SUPT3H: variants seen among roughly 807,000 people sequenced by gnomAD.
The protein encoded by SUPT3H is SPT3 homolog, SAGA and STAGA complex component, also known as transcription initiation protein SPT3 homolog.
Under a neutral mutation model 44.3 loss-of-function variants are expected in SUPT3H, and 44 were observed. That is an observed-to-expected ratio of 0.99 (90% CI 0.78 to 1.28). The LOEUF is 1.28. Among genes scored for constraint, SUPT3H ranks in the 50% most tolerant of loss-of-function variants. The pLI is 0.00. For synonymous variants in SUPT3H, 124 were observed against 125.6 expected (o/e 0.99, Z 0.09); for missense variants, 380 against 387.1 (o/e 0.98, Z 0.15).
At chr6:44,996,350 T>A (rs1214118540) in intron 6 of SUPT3H, among the ~76,000 whole-genome samples, 1 of 151,862 alleles carries the variant, frequency 6.6e-6, no homozygotes, top group Admixed American at 6.6e-5. Context: ...CCTACTAGAA[T>A]GTTCTTACTG....
At chr6:45,165,634 G>A (rs796552572) in intron 2 of SUPT3H, among the ~76,000 whole-genome samples, 1 of 152,038 alleles carries the variant, frequency 6.6e-6, no homozygotes, top group South Asian at 2.1e-4. Context: ...AAGAAGGATT[G>A]CAAATGAGAA....
intron 2 of SUPT3H, among the ~76,000 whole-genome samples, chr6:45,230,421 G>C (rs1248324267): frequency 1.3e-5 from 2 of 151,408 alleles, no homozygotes; most frequent in African/African-American, 4.9e-5. Context: ...AGTGTGGGGG[G>C]GGCTTATGTA....
At chr6:44,914,012 C>T (rs1767443330) in intron 10 of SUPT3H, among the ~76,000 whole-genome samples, 1 of 144,078 alleles carries the variant, frequency 6.9e-6, no homozygotes, top group African/African-American at 2.5e-5. Context: ...TCATCAAGTA[C>T]CATTACAAAG....
At chr6:45,370,714 T>A (rs1795920195) in intron 1 of SUPT3H, among the ~76,000 whole-genome samples, 1 of 152,132 alleles carries the variant, frequency 6.6e-6, no homozygotes, top group South Asian at 2.1e-4. Flanking sequence ...ACTACCCCCA[T>A]CCTTTCTCTC....
At chr6:45,240,884 A>G (rs564194680) in intron 2 of SUPT3H, among the ~76,000 whole-genome samples, 25 of 152,276 alleles carry the variant, frequency 1.6e-4, no homozygotes, top group Non-Finnish European at 3.2e-4. Context: ...CTAGAAGGAC[A>G]CTCTACAAAC....
At chr6:45,258,134 T>A (rs564781273) in intron 2 of SUPT3H, among the ~76,000 whole-genome samples, 8 of 152,356 alleles carry the variant, frequency 5.3e-5, no homozygotes, top group East Asian at 3.9e-4. Context: ...TTCTGACGAA[T>A]CAGACAATTC....
intron 2 of SUPT3H, among the ~76,000 whole-genome samples, chr6:45,248,757 T>C (rs1486619339): frequency 6.6e-6 from 1 of 151,774 alleles, no homozygotes; most frequent in Non-Finnish European, 1.5e-5. Flanking sequence ...TCTACTAAAA[T>C]ACAAAAGATT....
At chr6:45,137,498 A>T (rs1381847079) in intron 2 of SUPT3H, among the ~76,000 whole-genome samples, 2 of 152,014 alleles carry the variant, frequency 1.3e-5, no homozygotes, top group African/African-American at 4.8e-5. Context: ...ACATATACCA[A>T]TGTAATCTAT....
chr6:45,374,886 A>G (rs1359701226), intron 1 of SUPT3H, among the ~76,000 whole-genome samples: 2 of 152,228 alleles, frequency 1.3e-5, no homozygotes, highest in African/African-American at 4.8e-5. Flanking sequence ...ATTTAGACAC[A>G]AAAACAGTAA....
intron 6 of SUPT3H, among the ~76,000 whole-genome samples, chr6:44,965,097 A>G (rs1273251446): frequency 1.3e-5 from 2 of 152,206 alleles, no homozygotes; most frequent in East Asian, 3.8e-4. Context: ...TCCTACAATT[A>G]ACATGCTCAA....
At chr6:45,038,796 T>A (rs371578011) in intron 3 of SUPT3H, among the ~76,000 whole-genome samples, 3 of 152,300 alleles carry the variant, frequency 2.0e-5, no homozygotes, top group African/African-American at 7.2e-5. Context: ...AAAGGTGTAT[T>A]ATACCTTGGT....
At chr6:44,831,071 A>G (rs1768615189) in intron 10 of SUPT3H, among the ~76,000 whole-genome samples, 1 of 152,192 alleles carries the variant, frequency 6.6e-6, no homozygotes, top group Admixed American at 6.5e-5. Context: ...AGTTTTCTAG[A>G]TAACCTTCTC....
intron 2 of SUPT3H, among the ~76,000 whole-genome samples, chr6:45,320,012 T>A (rs1335611988): frequency 6.6e-6 from 1 of 152,126 alleles, no homozygotes; most frequent in Non-Finnish European, 1.5e-5. Flanking sequence ...GATTCCAACC[T>A]CATCCTAAAA....
At chr6:44,865,955 A>G (rs1031754961) in intron 10 of SUPT3H, among the ~76,000 whole-genome samples, 1 of 152,218 alleles carries the variant, frequency 6.6e-6, no homozygotes, top group Non-Finnish European at 1.5e-5. Flanking sequence ...GCCAAGTGGG[A>G]GAACTTGCAG....
At chr6:44,940,209 C>A (rs1278641795) in intron 9 of SUPT3H, among the ~76,000 whole-genome samples, 1 of 151,980 alleles carries the variant, frequency 6.6e-6, no homozygotes, top group Non-Finnish European at 1.5e-5. Flanking sequence ...TTTTGCAATG[C>A]TTTTGCTGTA....
chr6:44,880,228 T>C (rs1281181078), intron 10 of SUPT3H, among the ~76,000 whole-genome samples: 5 of 151,984 alleles, frequency 3.3e-5, no homozygotes, highest in Non-Finnish European at 5.9e-5. Flanking sequence ...TAGAGAAGAA[T>C]ATAAATGACC....
At chr6:44,995,013 G>A (rs530809212) in intron 6 of SUPT3H, among the ~76,000 whole-genome samples, 1 of 151,684 alleles carries the variant, frequency 6.6e-6, no homozygotes, top group African/African-American at 2.4e-5. Flanking sequence ...TTACTGCTCT[G>A]AAGATGGTCT....
chr6:45,337,779 T>G (rs751379591), intron 2 of SUPT3H, among the ~76,000 whole-genome samples: 1 of 151,990 alleles, frequency 6.6e-6, no homozygotes, highest in African/African-American at 2.4e-5. Flanking sequence ...TTATGTTTAT[T>G]TTTGTTTATT....
chr6:44,835,816 G>A (rs1769763466), intron 10 of SUPT3H, among the ~76,000 whole-genome samples: 1 of 151,876 alleles, frequency 6.6e-6, no homozygotes, highest in African/African-American at 2.4e-5. Flanking sequence ...CTCTCTTCTG[G>A]TAGAAGAGAG....
Sources: allele counts gnomAD v4.1 joint callset (sites outside exome capture counted in the v4.1 genomes callset), GRCh38; gene constraint gnomAD v4.1.1; transcripts MANE v1.5; gene names NCBI Gene and HGNC (gene_info 2026-07-23, HGNC 2026-07-21).